The following PDE10A variants were observed in gnomAD, a reference collection of about 807,000 sequenced individuals.
PDE10A encodes the protein cAMP and cAMP-inhibited cGMP 3',5'-cyclic phosphodiesterase 10A.
A neutral mutation model predicts 97.7 loss-of-function variants in PDE10A; 39 were observed. The ratio of observed to expected loss-of-function variants is 0.40; its 90% CI spans 0.31 to 0.52. The LOEUF is 0.52. PDE10A is among the 20% of genes least tolerant of loss of function. The pLI, the probability that PDE10A is intolerant of heterozygous loss-of-function variation, is 0.56. For synonymous variants in PDE10A, 371 were observed against 376.8 expected, an observed-to-expected ratio of 0.98 and a Z score of 0.18; for missense variants, 731 against 1,047.8, an observed-to-expected ratio of 0.70 and a Z score of 4.17.
chr6:165,552,075 G>C (rs934514812), intron 1 of PDE10A, among the ~76,000 whole-genome samples: 3 of 152,020 alleles, frequency 2.0e-5, no homozygotes, highest in Non-Finnish European at 4.4e-5. Flanking sequence ...AGTTTCACTG[G>C]AGCTACCTTC....
intron 1 of PDE10A, among the ~76,000 whole-genome samples, chr6:165,888,778 G>A (rs1222249640): frequency 6.6e-6 from 1 of 152,236 alleles, no homozygotes; most frequent in Non-Finnish European, 1.5e-5. Flanking sequence ...AGGATAGAGT[G>A]ATAGGTCCAA....
chr6:165,809,948 G>A (rs1397832191), intron 1 of PDE10A, among the ~76,000 whole-genome samples: 8 of 152,234 alleles, frequency 5.3e-5, no homozygotes, highest in East Asian at 1.9e-4. Flanking sequence ...TGATAAATTC[G>A]CTCTGTGCAA....
chr6:165,697,970 A>G lies in PDE10A; in HGVS notation c.-614-154402T>C, dbSNP rs540188189. On this transcript the variant is annotated intron_variant, in intron 1 of 19. Transcript: ENST00000366882. ...GTTACGCCGTCACTGTCCCTCTGACAGTAGTATGAATTCCTGCCAACCCCT... is the reference window on the plus strand; with the variant it reads ...GTTACGCCGTCACTGTCCCTCTGACGGTAGTATGAATTCCTGCCAACCCCT... 5.9e-5 allele frequency among the ~76,000 whole-genome samples: 9 copies of G among 152,366 alleles called. No individual in the cohort carries two copies. In the South Asian group the frequency reaches 1.5e-3, roughly 25 times the overall value.
intron 2 of PDE10A, among the ~76,000 whole-genome samples, chr6:165,489,301 T>G (rs1333391332): frequency 6.6e-6 from 1 of 152,120 alleles, no homozygotes; most frequent in Non-Finnish European, 1.5e-5. Context: ...CAGAGACAAG[T>G]TGGAACCTGG....
intron 1 of PDE10A, among the ~76,000 whole-genome samples, chr6:165,608,082 G>A (rs967012583): frequency 2.2e-5 from 3 of 136,160 alleles, no homozygotes; most frequent in African/African-American, 1.0e-4. Flanking sequence ...ATGTATATAT[G>A]TATATATATG....
intron 1 of PDE10A, among the ~76,000 whole-genome samples, chr6:165,847,627 G>A (rs1325183984): frequency 6.6e-6 from 1 of 152,244 alleles, no homozygotes; most frequent in Non-Finnish European, 1.5e-5. Context: ...TTCTGCAAAC[G>A]CACAGGCCTG....
intron 1 of PDE10A, among the ~76,000 whole-genome samples, chr6:165,973,318 C>A (rs1400841726): frequency 1.3e-5 from 2 of 151,712 alleles, no homozygotes; most frequent in African/African-American, 4.8e-5. Flanking sequence ...ACTTGGGAGG[C>A]AGGAGAACCA....
In PDE10A at chr6:165,662,572, G is replaced by T. The variant is rs1790338779; in HGVS notation, c.240C>A (p.Gly80=). The T allele has an allele frequency of 6.8e-6, 1 of 146,878 alleles. No homozygotes were observed. Among genetic ancestry groups the T allele is most frequent in the South Asian group, 2.1e-4 (1 of 4,810 alleles). 9.1% of individuals were successfully genotyped at this position (146,878 alleles called of 1,614,324 possible). The change falls in exon 1 of 22, where the codon GGC becomes GGA. Residue 80 remains glycine, a synonymous_variant. Coordinates refer to ENST00000539869, the MANE Select transcript of PDE10A (RefSeq NM_001385079.1). ...SSAGRPSPAG[G]PGALSARGGG... is the part of the protein sequence containing the mutation. ...CGCCGCGCGCAGAGAGGGCGCCGGG[G>T]CCCCCAGCGGGGCTGGGGCGGCCTG...
At chr6:165,640,810 T>A (rs1252900124) in intron 1 of PDE10A, among the ~76,000 whole-genome samples, 2 of 152,274 alleles carry the variant, frequency 1.3e-5, no homozygotes, top group Non-Finnish European at 2.9e-5. Flanking sequence ...ATGGTTTACA[T>A]AATTGGCCAA....
upstream of PDE10A, among the ~76,000 whole-genome samples, chr6:165,666,563 T>C (rs1309889658): frequency 6.6e-6 from 1 of 152,182 alleles, no homozygotes; most frequent in African/African-American, 2.4e-5. Flanking sequence ...ACACAAACTC[T>C]CTCCATTCTA....
chr6:165,367,750 A>T (rs533640453), intron 18 of PDE10A, among the ~76,000 whole-genome samples: 1 of 152,094 alleles, frequency 6.6e-6, no homozygotes, highest in South Asian at 2.1e-4. Context: ...CTCTAAGTCC[A>T]GTGAAAATAT....
chr6:165,960,387 C>A (rs1262059195), intron 1 of PDE10A, among the ~76,000 whole-genome samples: 2 of 152,124 alleles, frequency 1.3e-5, no homozygotes, highest in East Asian at 3.9e-4. Flanking sequence ...CTGATCCGAC[C>A]CTCATCCACG....
chr6:165,638,061 A>G (rs528050811), intron 1 of PDE10A, among the ~76,000 whole-genome samples: 1 of 152,206 alleles, frequency 6.6e-6, no homozygotes, highest in South Asian at 2.1e-4. Flanking sequence ...CTCTTTTTAA[A>G]TGGGTCAGAA....
intron 1 of PDE10A, among the ~76,000 whole-genome samples, chr6:165,765,884 T>G (rs1411224982): frequency 6.6e-6 from 1 of 152,196 alleles, no homozygotes; most frequent in Non-Finnish European, 1.5e-5. Context: ...ATGTAGGCTT[T>G]GTCATATTCC....
At chr6:165,469,820 T>C (rs896420677) in intron 3 of PDE10A, among the ~76,000 whole-genome samples, 5 of 152,212 alleles carry the variant, frequency 3.3e-5, no homozygotes, top group African/African-American at 9.6e-5. Flanking sequence ...CAAGATAGGA[T>C]ACCTGCCTGC....
chr6:165,944,472 TC>T (rs1193801704), intron 1 of PDE10A, among the ~76,000 whole-genome samples: 5 of 152,240 alleles, frequency 3.3e-5, no homozygotes, highest in African/African-American at 9.6e-5. Flanking sequence ...AAACTTCAGG[TC>T]TTTCTCAAGG....
rs1768811295 is a variant in PDE10A at position 165,388,952 on chromosome 6, G to C, written c.2455-499C>G. ...GCAGAGCAGGCTAAAGGAAATTAGA[G>C]AAAGTCAGGCTGAGTATGAAATAAA... On this transcript the variant is annotated intron_variant, in intron 16 of 21. Coordinates refer to ENST00000539869, the MANE Select transcript of PDE10A (RefSeq NM_001385079.1). The surrounding 1 kb of genome is among the most constrained non-coding windows in gnomAD (Gnocchi z 4.0). Among the ~76,000 whole-genome samples the C allele has an allele frequency of 6.6e-6, 1 of 152,204 alleles. No homozygotes were observed. Among genetic ancestry groups the C allele is most frequent in the Non-Finnish European group, 1.5e-5 (1 of 68,032 alleles).
chr6:165,968,921 T>G (rs1234824607), intron 1 of PDE10A, among the ~76,000 whole-genome samples: 1 of 152,202 alleles, frequency 6.6e-6, no homozygotes, highest in Non-Finnish European at 1.5e-5. Flanking sequence ...TAAGGTTGAA[T>G]GCAGCTCTCT....
chr6:165,635,362 GTTA>G, intron 1 of PDE10A, among the ~76,000 whole-genome samples: 1 of 152,258 alleles, frequency 6.6e-6, no homozygotes, highest in Admixed American at 6.5e-5. Context: ...GGGGGTAGTG[GTTA>G]TTATTTTTCA....
Sources: gnomAD v4.1 joint callset for allele counts (sites outside exome capture counted in the v4.1 genomes callset) on GRCh38, gnomAD v4.1.1 for gene constraint, Gnocchi (gnomAD v3.1) non-coding constraint, MANE v1.5 for transcripts, NCBI Gene and HGNC (gene_info 2026-07-23, HGNC 2026-07-21) for gene names.